The following DST variants were observed in gnomAD, a reference collection of about 807,000 sequenced individuals.
DST encodes dystonin, also known as bullous pemphigoid antigen.
In DST, 253 loss-of-function variants were observed where a neutral mutation model predicts 875.2. The observed-to-expected ratio is 0.29, with a 90% CI of 0.26 to 0.32. The LOEUF is 0.32. Among genes scored for constraint, DST ranks in the 10% least tolerant of loss-of-function variants. The pLI, the probability that DST is intolerant of heterozygous loss-of-function variation, is 1.00. For missense variants in DST, 8,287 were observed against 9,111.6 expected (o/e 0.91, Z 3.68); for synonymous variants, 3,124 against 3,197.1 (o/e 0.98, Z 0.77).
chr6:56,571,091 T>G (rs1238872715), intron 53 of DST, among the ~76,000 whole-genome samples: 1 of 152,160 alleles, frequency 6.6e-6, no homozygotes, highest in African/African-American at 2.4e-5. Flanking sequence ...AACTCCCTGG[T>G]GAACTGTATG....
Position 56,607,799 on chromosome 6 carries a change from T to C in DST, c.6829A>G (p.Ser2277Gly). ...CCACAGTGACATTTATTGAAACTAC[T>C]TGGTGTAGCTGTACATTCATCCTTT... ...REKDECTATPSSFNKCHCGEP... is the reference protein window; with the variant it reads ...REKDECTATPGSFNKCHCGEP... Residue 2277 changes from serine (S) to glycine (G), a missense_variant, in exon 40 of 104, where the codon AGT (serine) becomes GGT (glycine). Transcript: ENST00000680361. 6.2e-7 allele frequency: 1 copy of C among 1,613,492 alleles called. No homozygotes were observed. Among genetic ancestry groups the C allele is most frequent in the Non-Finnish European group, 8.5e-7 (1 of 1,179,696 alleles).
At chr6:56,786,906 T>C (rs1378628374) in intron 4 of DST, among the ~76,000 whole-genome samples, 1 of 152,182 alleles carries the variant, frequency 6.6e-6, no homozygotes, top group Non-Finnish European at 1.5e-5. Flanking sequence ...AAAAAAATCA[T>C]CCATCACCTG....
At chr6:56,476,042 G>C (rs1404548581) in intron 92 of DST, 107 bp downstream of exon 92, 1 of 1,003,834 alleles carries the variant, frequency 1.0e-6, no homozygotes, top group Admixed American at 2.8e-5. Context: ...GGAGTCTGAA[G>C]AAGTGAAAAT....
chr6:56,737,776 G>A (rs1252942104), intron 4 of DST, among the ~76,000 whole-genome samples: 1 of 152,102 alleles, frequency 6.6e-6, no homozygotes, highest in Admixed American at 6.5e-5. Context: ...TACATAAAAA[G>A]CCCTAAAAAT....
chr6:56,818,808 C>CTATT (rs1554166700), intron 4 of DST, among the ~76,000 whole-genome samples: 1 of 152,120 alleles, frequency 6.6e-6, no homozygotes, highest in Non-Finnish European at 1.5e-5. Flanking sequence ...CAGAGCAATA[C>CTATT]TATTACCTTT....
At chr6:56,486,362 CAAAAAAAAAAAAAAA>C (rs61164880) in intron 87 of DST, among the ~76,000 whole-genome samples, 4 of 34,042 alleles carry the variant, frequency 1.2e-4, no homozygotes, top group South Asian at 1.7e-3. Context: ...GACTCCGTCT[CAAAAAAAAAAAAAAA>C]AAAAAAAAAA....
intron 3 of DST, among the ~76,000 whole-genome samples, chr6:56,885,741 C>T (rs1024017066): frequency 1.3e-5 from 2 of 152,192 alleles, no homozygotes; most frequent in African/African-American, 4.8e-5. Context: ...CAACACCTCA[C>T]CCAATACCAA....
intron 5 of DST, among the ~76,000 whole-genome samples, chr6:56,725,693 T>C (rs1264482771): frequency 6.6e-6 from 1 of 152,204 alleles, no homozygotes; most frequent in Non-Finnish European, 1.5e-5. Context: ...CGATAGTATA[T>C]GCATTAAATA....
At chr6:56,747,084 A>G (rs2099574831) in intron 4 of DST, among the ~76,000 whole-genome samples, 2 of 152,204 alleles carry the variant, frequency 1.3e-5, no homozygotes, top group Non-Finnish European at 2.9e-5. Context: ...AAGGAGAATC[A>G]GTTACTGAGA....
intron 48 of DST, among the ~76,000 whole-genome samples, chr6:56,593,289 G>T (rs923739272): frequency 6.6e-6 from 1 of 152,098 alleles, no homozygotes; most frequent in African/African-American, 2.4e-5. Flanking sequence ...GCCGAGGTGA[G>T]CGGATCACGA....
intron 2 of DST, among the ~76,000 whole-genome samples, chr6:56,928,773 T>C (rs1021639111): frequency 6.6e-6 from 1 of 152,010 alleles, no homozygotes; most frequent in Non-Finnish European, 1.5e-5. Flanking sequence ...ATAGCTTCAC[T>C]TACAGAAACT....
chr6:56,934,741 C>A (rs1364915613), intron 2 of DST, among the ~76,000 whole-genome samples: 1 of 150,438 alleles, frequency 6.6e-6, no homozygotes, highest in Admixed American at 6.6e-5. Flanking sequence ...TTAAGGATGC[C>A]TCTAGGCTGA....
chr6:56,731,291 C>G (rs2099497108), intron 5 of DST, among the ~76,000 whole-genome samples: 1 of 152,218 alleles, frequency 6.6e-6, no homozygotes, highest in Admixed American at 6.5e-5. Flanking sequence ...AGGGTCACAC[C>G]ACGTTACCCA....
chr6:56,926,811 G>A lies in DST; in HGVS notation c.217-26190C>T, dbSNP rs12111554. ...GGATATGCTCTCCTCAAACTGGTACGCTTATGCTTCACCTCAGGAATACAT... is the reference window on the plus strand; with the variant it reads ...GGATATGCTCTCCTCAAACTGGTACACTTATGCTTCACCTCAGGAATACAT... On this transcript the variant is annotated intron_variant, in intron 2 of 103. Transcript: ENST00000680361. 9.2e-3 allele frequency among the ~76,000 whole-genome samples: 1,404 copies of A among 152,242 alleles called. 22 individuals are homozygous for A. Among genetic ancestry groups the A allele is most frequent in the African/African-American group, 0.032 (1,317 of 41,550 alleles).
In DST at chr6:56,642,390, G is replaced by C; in HGVS notation, c.1872+20C>G. On this transcript the variant is annotated intron_variant, in intron 16 of 103. Transcript: ENST00000680361. ...GTGACTCCTCTACCACAACCCCAAT[G>C]GCTCCTAAAATTAACTTACAGACTG... The C allele has an allele frequency of 6.4e-7, 1 of 1,556,874 alleles. No individual in the cohort carries two copies. Among genetic ancestry groups the C allele is most frequent in the Non-Finnish European group, 8.9e-7 (1 of 1,127,802 alleles).
At position 56,577,930 on chromosome 6, in the gene DST, G is replaced by C. The variant is rs1349085919; in HGVS notation, c.13027+884C>G. On this transcript the variant is annotated intron_variant, in intron 50 of 103. Transcript: ENST00000680361. ...GAAACACATTAATCACAAACTCTTG[G>C]GCTTAAATGATCCTCCCCAAATGTT... 3.3e-5 allele frequency among the ~76,000 whole-genome samples: 5 copies of C among 151,944 alleles called. No individual in the cohort carries two copies. The East Asian group carries it at 9.7e-4, about 30-fold the overall frequency.
chr6:56,734,394 T>C (rs1336705563), intron 5 of DST, among the ~76,000 whole-genome samples: 2 of 152,226 alleles, frequency 1.3e-5, no homozygotes, highest in Non-Finnish European at 2.9e-5. Flanking sequence ...AGCTACATGA[T>C]AGTTTAAATA....
chr6:56,694,449 A>G (rs964985856), intron 9 of DST, among the ~76,000 whole-genome samples: 12 of 152,166 alleles, frequency 7.9e-5, no homozygotes, highest in African/African-American at 2.9e-4. Flanking sequence ...TAATCATTTA[A>G]AAACATTCTC....
chr6:56,844,232 G>A (rs2099804465), intron 4 of DST, among the ~76,000 whole-genome samples: 1 of 152,168 alleles, frequency 6.6e-6, no homozygotes, highest in African/African-American at 2.4e-5. Flanking sequence ...AGGTGGCCCC[G>A]CGCATCAGCG....
Sources: allele counts gnomAD v4.1 joint callset (sites outside exome capture counted in the v4.1 genomes callset), GRCh38; gene constraint gnomAD v4.1.1; transcripts MANE v1.5; gene names NCBI Gene and HGNC (gene_info 2026-07-23, HGNC 2026-07-21).